The following ROR2 variants were observed in gnomAD, a reference collection of about 807,000 sequenced individuals.
ROR2 encodes the protein tyrosine-protein kinase transmembrane receptor ROR2.
Under a neutral mutation model 74.9 loss-of-function variants are expected in ROR2, and 33 were observed. That is an observed-to-expected ratio of 0.44 (90% CI 0.33 to 0.59). The LOEUF (loss-of-function observed/expected upper bound fraction) is 0.59. Among genes scored for constraint, ROR2 ranks in the 20% least tolerant of loss-of-function variants. The probability of loss-of-function intolerance (pLI) is 0.02; values close to 1 mark genes in which losing one functional copy is unlikely to be tolerated. For missense variants in ROR2, 1,216 were observed against 1,313.8 expected, an observed-to-expected ratio of 0.93 and a Z score of 1.15; for synonymous variants, 586 against 558.7, an observed-to-expected ratio of 1.05 and a Z score of -0.69.
intron 1 of ROR2, among the ~76,000 whole-genome samples, chr9:91,895,665 G>A (rs1830518676): frequency 6.6e-6 from 1 of 152,286 alleles, no homozygotes; most frequent in South Asian, 2.1e-4. Context: ...CCAACATGGT[G>A]AAACCCCATC....
intron 1 of ROR2, among the ~76,000 whole-genome samples, chr9:91,931,640 A>G (rs1831551837): frequency 6.6e-6 from 1 of 152,132 alleles, no homozygotes; most frequent in African/African-American, 2.4e-5. Flanking sequence ...CAAATTCCCT[A>G]AAACCAAAAC....
At chr9:91,745,723 A>G (rs763944873) in intron 4 of ROR2, among the ~76,000 whole-genome samples, 72 of 152,124 alleles carry the variant, frequency 4.7e-4, no homozygotes, top group Non-Finnish European at 9.3e-4. Flanking sequence ...CACCGCGCCC[A>G]GCCTATAGTC....
chr9:91,940,647 T>C (rs554611559), intron 1 of ROR2, among the ~76,000 whole-genome samples: 2 of 150,712 alleles, frequency 1.3e-5, no homozygotes, highest in African/African-American at 4.9e-5. Flanking sequence ...CAGGCTAGAG[T>C]GCAGTGGCTC....
At chr9:91,837,950 G>T (rs975964289) in intron 1 of ROR2, among the ~76,000 whole-genome samples, 1 of 151,946 alleles carries the variant, frequency 6.6e-6, no homozygotes, top group Non-Finnish European at 1.5e-5. Context: ...TTTCATTGTC[G>T]AACTGCCACT....
chr9:91,828,419 T>C (rs141707359), intron 1 of ROR2, among the ~76,000 whole-genome samples: 1 of 152,244 alleles, frequency 6.6e-6, no homozygotes, highest in African/African-American at 2.4e-5. Context: ...TGGGCTTTAA[T>C]GTACATATTC....
chr9:91,827,505 A>G (rs544105868), intron 1 of ROR2, among the ~76,000 whole-genome samples: 6 of 152,264 alleles, frequency 3.9e-5, no homozygotes, highest in African/African-American at 1.4e-4. Flanking sequence ...CTAATTGTCA[A>G]CTGCACCAAA....
chr9:91,912,899 C>T (rs143225322), intron 1 of ROR2, among the ~76,000 whole-genome samples: 1,689 of 152,198 alleles, frequency 0.011, 34 homozygotes, highest in African/African-American at 0.038. Flanking sequence ...GAGGCCGAGG[C>T]GGGAGGATTA....
At chr9:91,826,222 T>C (rs1336891967) in intron 1 of ROR2, among the ~76,000 whole-genome samples, 2 of 152,190 alleles carry the variant, frequency 1.3e-5, no homozygotes, top group Non-Finnish European at 2.9e-5. Context: ...TTCATAGGAC[T>C]GAATGTATGG....
At chr9:91,941,579 G>A (rs7871522) in intron 1 of ROR2, among the ~76,000 whole-genome samples, 36,802 of 151,994 alleles carry the variant, frequency 0.24, 4,731 homozygotes, top group Non-Finnish European at 0.28. Flanking sequence ...AATAACTTAC[G>A]CTCACCTTCC....
At chr9:91,826,908 T>G (rs1347355140) in intron 1 of ROR2, among the ~76,000 whole-genome samples, 1 of 152,212 alleles carries the variant, frequency 6.6e-6, no homozygotes, top group African/African-American at 2.4e-5. Context: ...TTGCTCTGAT[T>G]ATTAAAATGC....
At chr9:91,849,471 A>G (rs570425830) in intron 1 of ROR2, among the ~76,000 whole-genome samples, 1 of 152,354 alleles carries the variant, frequency 6.6e-6, no homozygotes, top group African/African-American at 2.4e-5. Context: ...CCGGCTAGAA[A>G]GAACCCTGGG....
At chr9:91,947,624 G>A (rs1832043945) in intron 1 of ROR2, among the ~76,000 whole-genome samples, 2 of 152,118 alleles carry the variant, frequency 1.3e-5, no homozygotes, top group Non-Finnish European at 2.9e-5. Context: ...AATGGGGGCT[G>A]GGGGGACCCT....
intron 1 of ROR2, among the ~76,000 whole-genome samples, chr9:91,776,780 A>G (rs191614838): frequency 6.6e-6 from 1 of 152,332 alleles, no homozygotes; most frequent in African/African-American, 2.4e-5. Context: ...GTTTAAATGT[A>G]GAGAGACCAC....
intron 4 of ROR2, among the ~76,000 whole-genome samples, chr9:91,741,758 G>A (rs1409343143): frequency 1.3e-5 from 2 of 152,138 alleles, no homozygotes; most frequent in African/African-American, 4.8e-5. Flanking sequence ...GACTCACCAG[G>A]AGACAGAGCA....
At chr9:91,920,791 G>C (rs1831245089) in intron 1 of ROR2, among the ~76,000 whole-genome samples, 2 of 152,190 alleles carry the variant, frequency 1.3e-5, no homozygotes, top group Non-Finnish European at 2.9e-5. Context: ...GGCAGAAGAG[G>C]CGGAGACCCC....
At chr9:91,875,024 T>G (rs75156802) in intron 1 of ROR2, among the ~76,000 whole-genome samples, 3,560 of 152,176 alleles carry the variant, frequency 0.023, 134 homozygotes, top group African/African-American at 0.081. Context: ...ATTGGTAAAT[T>G]AACGGACACT....
chr9:91,737,777 T>C (rs376039193), intron 4 of ROR2, among the ~76,000 whole-genome samples: 3 of 152,114 alleles, frequency 2.0e-5, no homozygotes, highest in East Asian at 3.9e-4. Context: ...CTGTGGTACA[T>C]CCAGACACTG....
At chr9:91,744,141 C>T (rs1825330915) in intron 4 of ROR2, among the ~76,000 whole-genome samples, 1 of 151,188 alleles carries the variant, frequency 6.6e-6, no homozygotes, top group Non-Finnish European at 1.5e-5. Flanking sequence ...TTATCTGTTG[C>T]ATTCATTGTT....
chr9:91,941,090 T>C (rs1346422251), intron 1 of ROR2, among the ~76,000 whole-genome samples: 1 of 149,216 alleles, frequency 6.7e-6, no homozygotes, highest in Non-Finnish European at 1.5e-5. Flanking sequence ...CTCCGCCTCC[T>C]GGGTTCACAC....
Sources: gnomAD v4.1 joint callset for allele counts (sites outside exome capture counted in the v4.1 genomes callset) on GRCh38, gnomAD v4.1.1 for gene constraint, MANE v1.5 for transcripts, NCBI Gene and HGNC (gene_info 2026-07-23, HGNC 2026-07-21) for gene names.